TPRG1: variants seen among roughly 807,000 people sequenced by gnomAD.
TPRG1 encodes the protein tumor protein p63 regulated 1, also known as tumor protein p63-regulated gene 1 protein.
Under a neutral mutation model 29.3 loss-of-function variants are expected in TPRG1, and 29 were observed. The ratio of observed to expected loss-of-function variants is 0.99; its 90% CI spans 0.74 to 1.35. The LOEUF (loss-of-function observed/expected upper bound fraction) is 1.35, where lower values mean the gene tolerates loss of function less well. TPRG1 is among the 40% of genes most tolerant of loss of function. The pLI, the probability that TPRG1 is intolerant of heterozygous loss-of-function variation, is 0.00. For missense variants in TPRG1, 327 were observed against 335.0 expected (o/e 0.98, Z 0.19); for synonymous variants, 130 against 116.8 (o/e 1.11, Z -0.73).
intron 1 of TPRG1, among the ~76,000 whole-genome samples, chr3:189,106,508 A>T (rs1210300252): frequency 6.6e-6 from 1 of 152,074 alleles, no homozygotes; most frequent in Non-Finnish European, 1.5e-5. Flanking sequence ...TAGTGATATG[A>T]TTATTTAGTG....
At chr3:189,215,801 T>C (rs1735980126) in intron 3 of TPRG1, among the ~76,000 whole-genome samples, 1 of 152,168 alleles carries the variant, frequency 6.6e-6, no homozygotes, top group Non-Finnish European at 1.5e-5. Flanking sequence ...CATATATACT[T>C]TGAATTTGAT....
intron 1 of TPRG1, among the ~76,000 whole-genome samples, chr3:189,187,580 G>A (rs928568406): frequency 1.3e-5 from 2 of 152,050 alleles, no homozygotes; most frequent in Non-Finnish European, 2.9e-5. Flanking sequence ...GCCTCCCAAA[G>A]TGCTGGGATT....
chr3:189,011,760 A>G (rs1712612631), intron 3 of TPRG1, among the ~76,000 whole-genome samples: 1 of 152,200 alleles, frequency 6.6e-6, no homozygotes, highest in South Asian at 2.1e-4. Flanking sequence ...ATCACTATCC[A>G]TGAGCATGGG....
intron 3 of TPRG1, among the ~76,000 whole-genome samples, chr3:189,010,289 G>A (rs567144739): frequency 2.6e-5 from 4 of 152,056 alleles, no homozygotes; most frequent in African/African-American, 9.7e-5. Context: ...TATTCCTTTG[G>A]GTATATACCC....
intron 1 of TPRG1, among the ~76,000 whole-genome samples, chr3:189,116,875 G>A (rs1474898786): frequency 6.6e-6 from 1 of 152,130 alleles, no homozygotes; most frequent in Non-Finnish European, 1.5e-5. Flanking sequence ...CAGTGTGAAT[G>A]TACTTAACAG....
At chr3:189,246,719 T>C (rs1302118235) in intron 4 of TPRG1, among the ~76,000 whole-genome samples, 1 of 152,168 alleles carries the variant, frequency 6.6e-6, no homozygotes, top group Non-Finnish European at 1.5e-5. Context: ...AAAATACTTT[T>C]ATTTAGTCTT....
At chr3:189,049,774 G>T (rs564212064) in intron 4 of TPRG1, among the ~76,000 whole-genome samples, 16 of 152,276 alleles carry the variant, frequency 1.1e-4, no homozygotes, top group African/African-American at 3.6e-4. Context: ...ACCAGAAAAG[G>T]TGCTGGTATC....
chr3:189,089,130 A>G (rs1718171199), intron 4 of TPRG1, among the ~76,000 whole-genome samples: 2 of 152,162 alleles, frequency 1.3e-5, no homozygotes, highest in South Asian at 4.1e-4. Flanking sequence ...CTAACAGTCT[A>G]TAGTTTGATA....
chr3:189,226,569 T>C (rs1040142566), intron 3 of TPRG1, among the ~76,000 whole-genome samples: 1 of 151,962 alleles, frequency 6.6e-6, no homozygotes, highest in Admixed American at 6.6e-5. Context: ...TACATATTAA[T>C]TGAGGGAAAG....
At chr3:189,312,174 TTTC>T (rs1560689592) in intron 5 of TPRG1, among the ~76,000 whole-genome samples, 3 of 72,758 alleles carry the variant, frequency 4.1e-5, no homozygotes, top group South Asian at 5.7e-4. Context: ...TCTTTCTTTC[TTTC>T]TTTCTTTTTT....
chr3:189,142,033 G>T (rs1201406670), intron 3 of TPRG1, among the ~76,000 whole-genome samples: 1 of 152,200 alleles, frequency 6.6e-6, no homozygotes, highest in East Asian at 1.9e-4. Context: ...GGAGTCTGAG[G>T]AACTGGGGGA....
intron 4 of TPRG1, among the ~76,000 whole-genome samples, chr3:189,272,721 T>TTTCTTTC (rs1715413381): frequency 1.5e-4 from 15 of 100,734 alleles, no homozygotes; most frequent in African/African-American, 6.1e-4. Flanking sequence ...TTCTCCTTCC[T>TTTCTTTC]TCCTTCCTTC....
chr3:189,177,955 G>A (rs1729714257), intron 1 of TPRG1, among the ~76,000 whole-genome samples: 1 of 152,182 alleles, frequency 6.6e-6, no homozygotes, highest in Admixed American at 6.5e-5. Context: ...CTAGGTGAAT[G>A]TGGTGTGTCC....
chr3:189,218,106 A>G (rs1018833336), intron 3 of TPRG1: 31 of 855,540 alleles, frequency 3.6e-5, no homozygotes, highest in Non-Finnish European at 4.1e-5. Context: ...CTCACCAACC[A>G]CACAAGATTC....
intron 3 of TPRG1, among the ~76,000 whole-genome samples, chr3:189,228,207 G>A (rs919321782): frequency 6.6e-6 from 1 of 152,054 alleles, no homozygotes; most frequent in Non-Finnish European, 1.5e-5. Context: ...AATATTTACA[G>A]AAGAATGAAC....
At chr3:189,150,923 T>C (rs1360338738) in intron 5 of TPRG1, 2 of 152,196 alleles carry the variant, frequency 1.3e-5, no homozygotes, top group East Asian at 3.8e-4. Context: ...TCCCAACTCC[T>C]GCATGTGTGA....
chr3:189,157,331 T>G (rs961312571), intron 5 of TPRG1, among the ~76,000 whole-genome samples: 5 of 152,218 alleles, frequency 3.3e-5, no homozygotes, highest in Non-Finnish European at 7.3e-5. Context: ...CCCAGACCTG[T>G]CATTGCTCAG....
chr3:189,077,160 G>A (rs1219736382), intron 4 of TPRG1, among the ~76,000 whole-genome samples: 1 of 152,032 alleles, frequency 6.6e-6, no homozygotes, highest in Non-Finnish European at 1.5e-5. Flanking sequence ...CTCCATGGCT[G>A]TTCCACTTCT....
At chr3:189,035,413 A>G (rs902237803) in intron 4 of TPRG1, among the ~76,000 whole-genome samples, 2 of 152,194 alleles carry the variant, frequency 1.3e-5, no homozygotes, top group African/African-American at 4.8e-5. Context: ...AACAATTGCA[A>G]CAAAAACAAA....
Sources: gnomAD v4.1 joint callset for allele counts (sites outside exome capture counted in the v4.1 genomes callset) on GRCh38, gnomAD v4.1.1 for gene constraint, MANE v1.5 for transcripts, NCBI Gene and HGNC (gene_info 2026-07-23, HGNC 2026-07-21) for gene names.